PRRC1: variants seen among roughly 807,000 people sequenced by gnomAD.
PRRC1 encodes protein PRRC1.
PRRC1 carries 39 observed loss-of-function variants against 40.7 expected under a neutral mutation model. The observed-to-expected ratio is 0.96, with a 90% confidence interval of 0.74 to 1.25. The LOEUF is 1.25. Ranked by LOEUF, PRRC1 falls within the 50% of genes most tolerant of loss-of-function variation. The pLI is 0.00. For synonymous variants in PRRC1, 175 were observed against 193.3 expected, an observed-to-expected ratio of 0.91 and a Z score of 0.79; for missense variants, 573 against 548.3, an observed-to-expected ratio of 1.05 and a Z score of -0.45.
chr5:127,543,614 T>A lies in PRRC1; in HGVS notation c.1026-4205T>A, dbSNP rs1336990395. 2.0e-5 allele frequency among the ~76,000 whole-genome samples: 3 copies of A among 152,306 alleles called. No homozygotes were observed. In the East Asian group the frequency reaches 5.8e-4, roughly 29 times the overall value. ...TCTAAACTTCCCTTCTCGCTTCATT[T>A]CATTCATTTCATCTTCCATCACTGA... On this transcript the variant is annotated intron_variant, in intron 7 of 8. Coordinates refer to ENST00000296666, the MANE Select transcript of PRRC1 (RefSeq NM_130809.5).
At chr5:127,524,962 A>G in intron 3 of PRRC1, 42 bp downstream of exon 3, 1 of 1,502,358 alleles carries the variant, frequency 6.7e-7, no homozygotes, top group Non-Finnish European at 8.9e-7. Context: ...CTATTAATTA[A>G]TGTTTTATTC....
intron 5 of PRRC1, among the ~76,000 whole-genome samples, chr5:127,532,117 G>GT (rs572358905): frequency 0.015 from 2,174 of 143,844 alleles, 31 homozygotes; most frequent in Middle Eastern, 0.069. Flanking sequence ...TTTTTTTGTT[G>GT]TTTTTTTTTT....
In PRRC1 at chr5:127,553,671, A is replaced by C; in HGVS notation, c.*1755A>C. On this transcript the variant is annotated 3_prime_UTR_variant, in exon 9 of 9. Coordinates refer to ENST00000296666, the MANE Select transcript of PRRC1 (RefSeq NM_130809.5). ...TTCTGCTACTTTCCCTCCTATTATA[A>C]GGAAATCTTACAGATTCTAAAAATA... The C allele has an allele frequency of 6.8e-7, 1 of 1,469,858 alleles. No homozygotes were observed. The highest frequency in any genetic ancestry group is 9.0e-7 in the Non-Finnish European group (1 of 1,116,320). The allele number at this position is 1,469,858 out of a possible 1,614,324, so 91.1% of individuals were successfully genotyped here.
intron 7 of PRRC1, among the ~76,000 whole-genome samples, chr5:127,542,489 T>C (rs1768076417): frequency 6.6e-6 from 1 of 152,008 alleles, no homozygotes; most frequent in South Asian, 2.1e-4. Context: ...AAATCTCCCA[T>C]TATTATTGTG....
At position 127,547,886 on chromosome 5, in the gene PRRC1, C is replaced by T; in HGVS notation, c.1093C>T (p.Gln365Ter). ...VHGIHLETFT[Q>*]ATPVPLEFVQ... ...TGGCATTCATCTAGAAACATTTACA[C>T]AAGCCACACCAGTGCCTTTGGAATT... The change falls in exon 8 of 9, where the codon CAA becomes TAA. Residue 365 changes from glutamine to a stop codon, truncating the protein, a stop_gained. Transcript: ENST00000296666. LOFTEE classifies it high-confidence loss of function. The T allele has an allele frequency of 1.9e-6, 3 of 1,611,048 alleles. No individual in the cohort carries two copies. In the South Asian group the frequency reaches 3.3e-5, roughly 18 times the overall value.
intron 6 of PRRC1, among the ~76,000 whole-genome samples, chr5:127,538,553 CT>C (rs1767956883): frequency 6.6e-6 from 1 of 151,888 alleles, no homozygotes; most frequent in African/African-American, 2.4e-5. Context: ...TTTTAAGTAA[CT>C]GGTCATTTTG....
intron 1 of PRRC1, among the ~76,000 whole-genome samples, chr5:127,518,487 T>C (rs535634134): frequency 3.3e-5 from 5 of 152,356 alleles, no homozygotes; most frequent in Non-Finnish European, 7.3e-5. Flanking sequence ...AGAGACAACA[T>C]GTGCATTTCT....
At chr5:127,518,510 C>T (rs555674330) in intron 1 of PRRC1, among the ~76,000 whole-genome samples, 76 of 152,368 alleles carry the variant, frequency 5.0e-4, no homozygotes, top group African/African-American at 1.8e-3. Flanking sequence ...GATCGTGACA[C>T]ATCTTGGCAT....
chr5:127,538,547 A>G (rs1340582993), intron 6 of PRRC1, among the ~76,000 whole-genome samples: 1 of 152,062 alleles, frequency 6.6e-6, no homozygotes, highest in Non-Finnish European at 1.5e-5. Context: ...TTTTTATTTT[A>G]AGTAACTGGT....
intron 5 of PRRC1, among the ~76,000 whole-genome samples, 175 bp from the exon 6 acceptor site, chr5:127,533,448 A>C (rs1173142177): frequency 6.6e-6 from 1 of 152,098 alleles, no homozygotes; most frequent in East Asian, 1.9e-4. Flanking sequence ...CTTGGGCAAA[A>C]CTTTGTTGGC....
In PRRC1 at chr5:127,526,628, A is replaced by C. The variant is rs3764978; in HGVS notation, c.504A>C (p.Pro168=). 1 of 1,605,574 alleles carries C rather than the reference A, an allele frequency of 6.2e-7. No individual in the cohort carries two copies. Among genetic ancestry groups the C allele is most frequent in the Admixed American group, 1.7e-5 (1 of 58,674 alleles). Residue 168 remains proline, a synonymous_variant, in exon 4 of 9, where the codon CCA becomes CCC. Transcript: ENST00000296666. ...TTTGCCATTGATTAGGTCTTTTGCC[A>C]ACTCCTATTACTCAGCAAGCCAGTT... is the stretch of plus-strand genomic sequence containing the variant. ...FSAPSGTGLL[P]TPITQQASLT... is the part of the protein sequence containing the mutation.
chr5:127,550,256 A>G (rs1768341709), intron 8 of PRRC1: 1 of 152,138 alleles, frequency 6.6e-6, no homozygotes, highest in Admixed American at 6.5e-5. Context: ...TTTAGAAGAT[A>G]CAAAACTGTG....
chr5:127,524,740 C>G lies in PRRC1; in HGVS notation c.313C>G (p.Pro105Ala), dbSNP rs1767568102. Residue 105 changes from proline (P) to alanine (A), a missense_variant, in exon 3 of 9, where the codon CCT (proline) becomes GCT (alanine). By Grantham distance (27) the Pro-to-Ala change is conservative (BLOSUM62 -1). Coordinates refer to ENST00000296666, the MANE Select transcript of PRRC1 (RefSeq NM_130809.5). ...SPSTAAAFGN[P>A]PVSHFPPSTS... The stretch of plus-strand genomic sequence containing the variant: ...ATCAACTGCTGCTGCCTTCGGTAAT[C>G]CTCCTGTATCTCACTTCCCACCTTC... 6.2e-7 allele frequency: 1 copy of G among 1,614,046 alleles called. No individual in the cohort carries two copies. The highest frequency in any genetic ancestry group is 1.7e-5 in the Admixed American group (1 of 60,000).
intron 1 of PRRC1, among the ~76,000 whole-genome samples, chr5:127,521,846 T>G (rs1767467381): frequency 6.6e-6 from 1 of 152,190 alleles, no homozygotes; most frequent in Non-Finnish European, 1.5e-5. Context: ...CTTTCTTCCC[T>G]TGCCTAATTA....
chr5:127,545,578 T>C (rs1206790562), intron 7 of PRRC1, among the ~76,000 whole-genome samples: 6 of 138,520 alleles, frequency 4.3e-5, no homozygotes, highest in Non-Finnish European at 9.1e-5. Context: ...TAGGTGGGAA[T>C]TGAACAATGA....
chr5:127,537,208 A>G lies in PRRC1; in HGVS notation c.922-1832A>G, dbSNP rs550467378. Reference sequence around the variant, plus strand: ...ATGAAAATATTATAAAATTTTAACTATTCACTGAACCAAGTTGCTTAGTAT... The same window carrying G: ...ATGAAAATATTATAAAATTTTAACTGTTCACTGAACCAAGTTGCTTAGTAT... On this transcript the variant is annotated intron_variant, in intron 6 of 8. Transcript: ENST00000296666. Among the ~76,000 whole-genome samples the G allele has an allele frequency of 2.6e-5, 4 of 151,982 alleles. No individual in the cohort carries two copies. In the South Asian group the frequency reaches 8.3e-4, roughly 32 times the overall value.
At chr5:127,540,403 A>G (rs759124357) in intron 7 of PRRC1, among the ~76,000 whole-genome samples, 1 of 152,056 alleles carries the variant, frequency 6.6e-6, no homozygotes, top group Non-Finnish European at 1.5e-5. Flanking sequence ...TTCTGCATAT[A>G]TTTTAAGCTC....
At position 127,518,278 on chromosome 5, in the gene PRRC1, A is replaced by G. The variant is rs548530526; in HGVS notation, c.-21+502A>G. 4.6e-5 allele frequency among the ~76,000 whole-genome samples: 7 copies of G among 152,332 alleles called. No individual in the cohort carries two copies. In the South Asian group the frequency reaches 1.0e-3, roughly 23 times the overall value. On this transcript the variant is annotated intron_variant, in intron 1 of 8. Coordinates refer to ENST00000296666, the MANE Select transcript of PRRC1 (RefSeq NM_130809.5). ...CAGGAGGCTCGAGAGTCATCACACC[A>G]GGACCTGCAATGAAAGGAAGCTTAT... is the stretch of plus-strand genomic sequence containing the variant.
In PRRC1 at chr5:127,554,615, T is replaced by C. The variant is rs1768479637; in HGVS notation, c.*2699T>C. The C allele has an allele frequency of 6.6e-6, 1 of 152,374 alleles. No homozygotes were observed. Among genetic ancestry groups the C allele is most frequent in the African/African-American group, 2.4e-5 (1 of 41,460 alleles). 9.4% of individuals were successfully genotyped at this position (152,374 alleles called of 1,614,324 possible). A position where few individuals can be genotyped will look rare whatever the true frequency, so the allele number is the denominator to read the frequency against. On this transcript the variant is annotated 3_prime_UTR_variant, in exon 9 of 9. Coordinates refer to ENST00000296666, the MANE Select transcript of PRRC1 (RefSeq NM_130809.5). ...AAACTGTGTCACAGACTTCTGAATG[T>C]TTAGGCAGTGCTAGTAATTTCCTCG...
Sources: gnomAD v4.1 joint callset for allele counts (sites outside exome capture counted in the v4.1 genomes callset) on GRCh38, gnomAD v4.1.1 for gene constraint, MANE v1.5 for transcripts, NCBI Gene and HGNC (gene_info 2026-07-23, HGNC 2026-07-21) for gene names.